The following STPG2 variants were observed in gnomAD, a reference collection of about 807,000 sequenced individuals.
STPG2 encodes sperm tail PG-rich repeat containing 2.
Under a neutral mutation model 54.2 loss-of-function variants are expected in STPG2, and 56 were observed. The ratio of observed to expected loss-of-function variants is 1.03; its 90% CI spans 0.83 to 1.29. The LOEUF (loss-of-function observed/expected upper bound fraction) is 1.29. STPG2 is among the 50% of genes most tolerant of loss of function. STPG2 has a pLI of 0.00. For missense variants in STPG2, 596 were observed against 544.9 expected (o/e 1.09, Z -0.93); for synonymous variants, 200 against 181.8 (o/e 1.10, Z -0.81).
chr4:97,712,706 G>A lies in STPG2; in HGVS notation c.1313C>T (p.Thr438Ile). 1 of 1,574,706 alleles carries A rather than the reference G, an allele frequency of 6.4e-7. No homozygotes were observed. The highest frequency in any genetic ancestry group is 2.3e-5 in the East Asian group (1 of 43,718). The change falls in exon 10 of 11, where the codon ACA becomes ATA. Residue 438 changes from threonine (T) to isoleucine (I), a missense_variant. Thr to Ile is a moderately conservative substitution (Grantham distance 89, BLOSUM62 -1). Transcript: ENST00000295268. The stretch of plus-strand genomic sequence containing the variant: ...AAGGAAATATTGACAAACCTCATAT[G>A]TTGCTGGGCCTGGAGTAATCTCTTT... ...ESKEITPGPA[T>I]YEISQEKKKG...
chr4:97,967,200 A>AAG (rs1734136930), intron 7 of STPG2, among the ~76,000 whole-genome samples: 1 of 151,850 alleles, frequency 6.6e-6, no homozygotes, highest in Non-Finnish European at 1.5e-5. Context: ...AAAAAAAAAA[A>AAG]AAAGCAGTGA....
At chr4:97,721,910 G>C (rs184766092) in intron 9 of STPG2, among the ~76,000 whole-genome samples, 80 of 152,090 alleles carry the variant, frequency 5.3e-4, no homozygotes, top group African/African-American at 1.9e-3. Flanking sequence ...AAACTGTGCA[G>C]ATTGTTTTTC....
intron 1 of STPG2, among the ~76,000 whole-genome samples, chr4:98,139,737 C>T (rs903695168): frequency 2.6e-5 from 4 of 152,182 alleles, no homozygotes; most frequent in African/African-American, 9.7e-5. Context: ...CCTACTTTAT[C>T]TCATAGATCA....
intron 4 of STPG2, among the ~76,000 whole-genome samples, chr4:97,535,081 G>C (rs565564434): frequency 2.0e-5 from 3 of 152,200 alleles, no homozygotes; most frequent in East Asian, 1.9e-4. Flanking sequence ...TTTATGTAAG[G>C]CTCATAAACA....
intron 1 of STPG2, among the ~76,000 whole-genome samples, chr4:98,136,749 C>T (rs984341110): frequency 5.3e-5 from 8 of 151,498 alleles, no homozygotes; most frequent in African/African-American, 1.7e-4. Context: ...CTTTGTGAGG[C>T]TTATTTACTA....
chr4:97,961,199 C>A (rs941514850), intron 7 of STPG2, among the ~76,000 whole-genome samples: 6 of 151,874 alleles, frequency 4.0e-5, no homozygotes, highest in Admixed American at 2.0e-4. Context: ...GAAATCAACT[C>A]AAGATGGGTC....
chr4:97,644,274 A>T (rs1167362192), intron 10 of STPG2, among the ~76,000 whole-genome samples: 1 of 152,026 alleles, frequency 6.6e-6, no homozygotes, highest in Non-Finnish European at 1.5e-5. Flanking sequence ...TCTCAAACAC[A>T]TACAGCATCA....
intron 10 of STPG2, among the ~76,000 whole-genome samples, chr4:97,575,855 C>T (rs1560668775): frequency 6.6e-6 from 1 of 152,078 alleles, no homozygotes; most frequent in Non-Finnish European, 1.5e-5. Context: ...TGATTCTATA[C>T]CTCAAATAGC....
At chr4:97,836,781 C>T (rs1728646840) in intron 9 of STPG2, among the ~76,000 whole-genome samples, 1 of 150,902 alleles carries the variant, frequency 6.6e-6, no homozygotes. Context: ...GCTCTATAAA[C>T]AAGAATATTT....
At chr4:97,654,609 A>G (rs527718373) in intron 10 of STPG2, among the ~76,000 whole-genome samples, 1 of 152,208 alleles carries the variant, frequency 6.6e-6, no homozygotes, top group Non-Finnish European at 1.5e-5. Context: ...TATTTTGTTT[A>G]TTATTAGTTA....
At chr4:97,932,893 T>C (rs1479779135) in intron 8 of STPG2, among the ~76,000 whole-genome samples, 3 of 152,222 alleles carry the variant, frequency 2.0e-5, no homozygotes, top group Admixed American at 6.5e-5. Flanking sequence ...AGTAATGGGA[T>C]TGCTGGATCA....
chr4:97,542,783 T>C (rs964548162), intron 4 of STPG2, among the ~76,000 whole-genome samples: 3 of 152,148 alleles, frequency 2.0e-5, no homozygotes, highest in Admixed American at 6.6e-5. Context: ...TAGAATACTA[T>C]GCAGCCATAA....
chr4:98,088,782 C>T (rs13149346), intron 5 of STPG2, among the ~76,000 whole-genome samples: 59,699 of 151,254 alleles, frequency 0.39, 11,943 homozygotes, highest in Middle Eastern at 0.46. Context: ...AATTCTTTTC[C>T]CTACCATCCA....
intron 5 of STPG2, among the ~76,000 whole-genome samples, chr4:98,040,238 A>G (rs1736908195): frequency 1.3e-5 from 2 of 152,054 alleles, no homozygotes; most frequent in South Asian, 2.1e-4. Flanking sequence ...TCAGATGCAT[A>G]GTCCGAAAAT....
At chr4:97,585,112 A>AAC (rs1553940198) in intron 10 of STPG2, among the ~76,000 whole-genome samples, 22 of 147,294 alleles carry the variant, frequency 1.5e-4, no homozygotes, top group African/African-American at 5.4e-4. Context: ...AAAAAAAAAA[A>AAC]AAAAAAAAAA....
At chr4:97,941,311 A>G (rs372045036) in intron 8 of STPG2, among the ~76,000 whole-genome samples, 22 of 152,198 alleles carry the variant, frequency 1.4e-4, no homozygotes, top group African/African-American at 4.1e-4. Flanking sequence ...TTTTATATTT[A>G]TCCTCCTTGG....
chr4:97,794,501 C>T (rs1727105017), intron 9 of STPG2, among the ~76,000 whole-genome samples: 1 of 151,944 alleles, frequency 6.6e-6, no homozygotes, highest in Non-Finnish European at 1.5e-5. Flanking sequence ...TAAAATATTT[C>T]AAAAAGAATA....
chr4:97,472,726 T>C (rs1481721423), intron 4 of STPG2, among the ~76,000 whole-genome samples: 1 of 152,204 alleles, frequency 6.6e-6, no homozygotes, highest in Non-Finnish European at 1.5e-5. Context: ...TGCATGTTAC[T>C]AAGTGAAAGA....
intron 4 of STPG2, among the ~76,000 whole-genome samples, chr4:97,453,927 G>T (rs1578310876): frequency 1.3e-5 from 2 of 152,114 alleles, no homozygotes; most frequent in African/African-American, 4.8e-5. Context: ...GGAGGTATAA[G>T]GCTTTATGTA....
Sources: gnomAD v4.1 joint callset for allele counts (sites outside exome capture counted in the v4.1 genomes callset) on GRCh38, gnomAD v4.1.1 for gene constraint, MANE v1.5 for transcripts, NCBI Gene and HGNC (gene_info 2026-07-23, HGNC 2026-07-21) for gene names.